The following SLC23A2 variants were observed in gnomAD, a reference collection of about 807,000 sequenced individuals.
SLC23A2 encodes the protein solute carrier family 23 member 2.
In SLC23A2, 36 loss-of-function variants were observed where a neutral mutation model predicts 73.3. That is an observed-to-expected ratio of 0.49 (90% CI 0.38 to 0.65). The LOEUF (loss-of-function observed/expected upper bound fraction) is 0.65. Among genes scored for constraint, SLC23A2 ranks in the 30% least tolerant of loss-of-function variants. The pLI, the probability that SLC23A2 is intolerant of heterozygous loss-of-function variation, is 0.00. For missense variants in SLC23A2, 507 were observed against 841.6 expected (o/e 0.60, Z 4.92); for synonymous variants, 343 against 327.3 (o/e 1.05, Z -0.52).
chr20:4,898,156 C>T (rs1340199305), intron 6 of SLC23A2, among the ~76,000 whole-genome samples: 1 of 152,218 alleles, frequency 6.6e-6, no homozygotes, highest in Non-Finnish European at 1.5e-5. Flanking sequence ...ATATCCCTGC[C>T]CTGCCCCCTG....
chr20:4,929,749 C>T (rs189427330), intron 3 of SLC23A2, among the ~76,000 whole-genome samples: 74 of 152,282 alleles, frequency 4.9e-4, no homozygotes, highest in Admixed American at 1.6e-3. Context: ...AACACAAATA[C>T]ATGACTGTAT....
chr20:4,932,488 G>A lies in SLC23A2; in HGVS notation c.75C>T (p.Asp25=), dbSNP rs149372452. The A allele has an allele frequency of 3.7e-5, 60 of 1,606,722 alleles. No individual in the cohort carries two copies. The highest frequency in any genetic ancestry group is 3.3e-4 in the Middle Eastern group (2 of 6,052). Residue 25 remains aspartate (D), a synonymous_variant, in exon 3 of 17, where the codon GAC becomes GAT. Transcript: ENST00000338244. Reference sequence around the variant, plus strand: ...TGAAGAAAGCTGGGTGCTTTGCCTCGTCTTCGTATTTGCCTTCTGTTGAAC... The same window carrying A: ...TGAAGAAAGCTGGGTGCTTTGCCTCATCTTCGTATTTGCCTTCTGTTGAAC... ...AGSSTEGKYE[D]EAKHPAFFTL... is the part of the protein sequence containing the mutation.
At chr20:4,945,434 C>A (rs532681171) in intron 2 of SLC23A2, among the ~76,000 whole-genome samples, 2 of 152,078 alleles carry the variant, frequency 1.3e-5, no homozygotes, top group African/African-American at 4.8e-5. Context: ...CACAGGCATG[C>A]GCCACTATGC....
chr20:5,005,201 C>T (rs1359068285), upstream of SLC23A2, among the ~76,000 whole-genome samples: 3 of 151,376 alleles, frequency 2.0e-5, no homozygotes, highest in South Asian at 2.1e-4. Context: ...TGTCTTTCAA[C>T]GTCTTACAAG....
intron 3 of SLC23A2, among the ~76,000 whole-genome samples, chr20:4,917,597 T>C (rs1178940267): frequency 6.6e-6 from 1 of 152,184 alleles, no homozygotes; most frequent in Admixed American, 6.5e-5. Flanking sequence ...GAAGGTTTAC[T>C]TTGCCAGGCT....
chr20:4,897,534 C>G (rs760775692), intron 6 of SLC23A2, among the ~76,000 whole-genome samples: 9 of 152,194 alleles, frequency 5.9e-5, no homozygotes, highest in Non-Finnish European at 1.3e-4. Context: ...CATTTTGGGT[C>G]CCTGAGCCAT....
At chr20:4,861,167 G>A (rs139987885) in intron 15 of SLC23A2, among the ~76,000 whole-genome samples, 5 of 152,272 alleles carry the variant, frequency 3.3e-5, no homozygotes, top group South Asian at 2.1e-4. Flanking sequence ...AGAATAGACC[G>A]TGAATCCATA....
intron 2 of SLC23A2, among the ~76,000 whole-genome samples, chr20:4,934,150 TA>T (rs1424804745): frequency 6.6e-6 from 1 of 152,206 alleles, no homozygotes; most frequent in East Asian, 1.9e-4. Flanking sequence ...CTTGTTTGCA[TA>T]TTCATGCACA....
rs1929798720 is a variant in SLC23A2 at position 4,857,946 on chromosome 20, C to G, written c.1721-742G>C. 6.6e-6 allele frequency among the ~76,000 whole-genome samples: 1 copy of G among 151,740 alleles called. No homozygotes were observed. Among genetic ancestry groups the G allele is most frequent in the Non-Finnish European group, 1.5e-5 (1 of 67,986 alleles). ...ACTCTGTCTTAAAAACAAAACAAAACAAAACAAAACAAACAACAAAACACA... is the reference window on the plus strand; with the variant it reads ...ACTCTGTCTTAAAAACAAAACAAAAGAAAACAAAACAAACAACAAAACACA... On this transcript the variant is annotated intron_variant, in intron 16 of 16. Transcript: ENST00000338244. This position sits in a 1 kb window ranked among gnomAD's most constrained non-coding sequence, Gnocchi z 4.0.
At chr20:5,006,681 G>A (rs1212387600) in intron 1 of SLC23A2, among the ~76,000 whole-genome samples, 1 of 151,498 alleles carries the variant, frequency 6.6e-6, no homozygotes, top group Non-Finnish European at 1.5e-5. Flanking sequence ...GCTGGGATTA[G>A]AGGTGTTTGC....
intron 15 of SLC23A2, 81 bp from the exon 16 acceptor site, chr20:4,859,465 T>C (rs1011149548): frequency 8.3e-6 from 7 of 847,548 alleles, no homozygotes; most frequent in African/African-American, 3.3e-5. Context: ...GGCAATGGTG[T>C]GGGCAGAACT....
chr20:4,881,176 G>A (rs1388632519), intron 9 of SLC23A2, among the ~76,000 whole-genome samples: 3 of 152,248 alleles, frequency 2.0e-5, no homozygotes, highest in Non-Finnish European at 2.9e-5. Flanking sequence ...GGTTTCAGGG[G>A]CAGGAAAGGA....
At chr20:4,989,316 AG>A (rs1568658691) in intron 1 of SLC23A2, among the ~76,000 whole-genome samples, 1 of 152,074 alleles carries the variant, frequency 6.6e-6, no homozygotes, top group Non-Finnish European at 1.5e-5. Flanking sequence ...TGCAGCTACA[AG>A]TTAAGTATTC....
At chr20:4,895,588 G>A (rs1931488737) in intron 6 of SLC23A2, among the ~76,000 whole-genome samples, 2 of 152,220 alleles carry the variant, frequency 1.3e-5, no homozygotes, top group Non-Finnish European at 2.9e-5. Flanking sequence ...ACCTGAGGGA[G>A]AAGCCTTCTT....
intron 4 of SLC23A2, among the ~76,000 whole-genome samples, chr20:4,908,931 CA>C (rs1358858008): frequency 6.6e-6 from 1 of 152,066 alleles, no homozygotes; most frequent in Non-Finnish European, 1.5e-5. Flanking sequence ...AAGACTATCT[CA>C]AAAAACATTG....
chr20:4,998,940 A>C lies in SLC23A2; in HGVS notation c.-282+2466T>G, dbSNP rs1477070495. Among the ~76,000 whole-genome samples, 3 of 151,974 alleles carry C rather than the reference A, an allele frequency of 2.0e-5. No homozygotes were observed. On this transcript the variant is annotated intron_variant, in intron 1 of 16. Coordinates refer to ENST00000338244, the MANE Select transcript of SLC23A2 (RefSeq NM_005116.6). This position sits in a 1 kb window ranked among gnomAD's most constrained non-coding sequence, Gnocchi z 4.1. ...CTGCCTCAGCCTCCTGAGTAGCCGG[A>C]AATACAGGCATGCGCCACCATGCCC...
intron 6 of SLC23A2, among the ~76,000 whole-genome samples, chr20:4,894,548 G>T (rs1269523442): frequency 1.3e-5 from 2 of 152,142 alleles, no homozygotes; most frequent in African/African-American, 4.8e-5. Flanking sequence ...TCTACAATCG[G>T]CCTCCTGTTC....
chr20:4,897,489 C>T (rs1055521987), intron 6 of SLC23A2, among the ~76,000 whole-genome samples: 6 of 152,290 alleles, frequency 3.9e-5, no homozygotes, highest in South Asian at 2.1e-4. Context: ...GCATGGGGCG[C>T]ACAGACACGC....
intron 2 of SLC23A2, among the ~76,000 whole-genome samples, chr20:4,961,833 C>T (rs908260008): frequency 2.0e-5 from 3 of 152,270 alleles, no homozygotes; most frequent in African/African-American, 7.2e-5. Flanking sequence ...AACTAAGCCA[C>T]AGGGAGCGAA....
Sources: allele counts gnomAD v4.1 joint callset (sites outside exome capture counted in the v4.1 genomes callset), GRCh38; gene constraint gnomAD v4.1.1; non-coding constraint Gnocchi (gnomAD v3.1); transcripts MANE v1.5; gene names NCBI Gene and HGNC (gene_info 2026-07-23, HGNC 2026-07-21).